Variants in CASD1 observed in about 807,000 individuals in gnomAD.
CASD1 encodes CAS1 domain sialic acid O acetyltransferase 1, also known as N-acetylneuraminate (7)9-O-acetyltransferase.
A neutral mutation model predicts 100.0 loss-of-function variants in CASD1; 41 were observed. The observed-to-expected ratio is 0.41, with a 90% CI of 0.32 to 0.53. The LOEUF is 0.53. Among genes scored for constraint, CASD1 ranks in the 20% least tolerant of loss-of-function variants. CASD1 has a pLI of 0.25. For synonymous variants in CASD1, 321 were observed against 315.6 expected, an observed-to-expected ratio of 1.02 and a Z score of -0.18; for missense variants, 774 against 948.7, an observed-to-expected ratio of 0.82 and a Z score of 2.42.
chr7:94,628,362 A>T, the CASD1 span: 1 of 1,604,938 alleles, frequency 6.2e-7, no homozygotes, highest in Non-Finnish European at 8.5e-7. Flanking sequence ...AATCTCGCCT[A>T]GATAAGAAAC....
At chr7:94,587,639 A>G in the CASD1 span, 1 of 1,454,296 alleles carries the variant, frequency 6.9e-7, no homozygotes, top group Non-Finnish European at 9.0e-7. Context: ...CTTACAAAGT[A>G]GCACCAACAC....
Position 94,554,524 on chromosome 7 carries a change from C to G in CASD1, c.2076C>G (p.Ala692=). ...TAATAAGAAACATCCCTGGATATGC[C>G]CGTTCAGTTTACAGTTCATTTTTTG... ...FILIRNIPGY[A]RSVYSSFFAW... is the part of the protein sequence containing the mutation. Residue 692 remains alanine (A), a synonymous_variant, in exon 17 of 18, where the codon GCC becomes GCG. Coordinates refer to ENST00000297273, the MANE Select transcript of CASD1 (RefSeq NM_022900.5). 6.2e-7 allele frequency: 1 copy of G among 1,611,944 alleles called. No homozygotes were observed. The highest frequency in any genetic ancestry group is 8.5e-7 in the Non-Finnish European group (1 of 1,178,728).
In CASD1 at chr7:94,555,872, A is replaced by T; in HGVS notation, c.*114A>T. 1 of 1,078,928 alleles carries T rather than the reference A, an allele frequency of 9.3e-7. No homozygotes were observed. The highest frequency in any genetic ancestry group is 1.3e-6 in the Non-Finnish European group (1 of 756,040). The allele number at this position is 1,078,928 out of a possible 1,614,324, so 66.8% of individuals were successfully genotyped here. ...GTATGTAAATATAAACGTTTGTGGC[A>T]AGAGGACAGTTCTGTGACATCTGTT... is the stretch of plus-strand genomic sequence containing the variant. On this transcript the variant is annotated 3_prime_UTR_variant, in exon 18 of 18. Transcript: ENST00000297273.
intron 14 of CASD1, among the ~76,000 whole-genome samples, chr7:94,550,925 A>C (rs774135210): frequency 2.0e-5 from 3 of 152,126 alleles, no homozygotes; most frequent in Non-Finnish European, 4.4e-5. Context: ...ACTTCTTTTC[A>C]GAATTATGAC....
At chr7:94,616,071 G>C in the CASD1 span, among the ~76,000 whole-genome samples, 1 of 152,134 alleles carries the variant, frequency 6.6e-6, no homozygotes, top group Non-Finnish European at 1.5e-5. Context: ...TGATTTAGGA[G>C]AAGTTTGAAA....
intron 3 of CASD1, chr7:94,524,325 T>A (rs908656340): frequency 6.6e-6 from 1 of 152,020 alleles, no homozygotes; most frequent in African/African-American, 2.4e-5. Context: ...TTACAACATA[T>A]ATTCAAGAAA....
intron 16 of CASD1, chr7:94,554,066 G>A (rs1645922336): frequency 6.5e-6 from 1 of 153,984 alleles, no homozygotes; most frequent in South Asian, 2.0e-4. Flanking sequence ...TCAGCGGAAG[G>A]AGGATTTTGA....
At position 94,527,162 on chromosome 7, in the gene CASD1, C is replaced by T. The variant is rs773673799; in HGVS notation, c.352C>T (p.His118Tyr). The change falls in exon 4 of 18, where the codon CAT becomes TAT. Residue 118 changes from histidine to tyrosine, a missense_variant and splice_region_variant. Coordinates refer to ENST00000297273, the MANE Select transcript of CASD1 (RefSeq NM_022900.5). ...ATTTCTCTGTCTCCTTTTATGGCAG[C>T]ATGAAAACATTCCTTTTGAAGACAA... ...NPQFKEEGNK[H>Y]ENIPFEDKTA... 1 of 1,607,000 alleles carries T rather than the reference C, an allele frequency of 6.2e-7. No homozygotes were observed. Among genetic ancestry groups the T allele is most frequent in the South Asian group, 1.1e-5 (1 of 90,650 alleles).
At chr7:94,510,931 G>T (rs1326788395) in intron 1 of CASD1, among the ~76,000 whole-genome samples, 1 of 152,252 alleles carries the variant, frequency 6.6e-6, no homozygotes, top group South Asian at 2.1e-4. Flanking sequence ...GTTGACAGGC[G>T]TAAAGGTGGG....
chr7:94,627,923 CT>C, the CASD1 span: 1 of 364,098 alleles, frequency 2.7e-6, no homozygotes, highest in East Asian at 5.2e-5. Context: ...CAATTATTTT[CT>C]CAAATAGAAT....
the CASD1 span, chr7:94,628,309 G>A: frequency 6.2e-7 from 1 of 1,611,338 alleles, no homozygotes; most frequent in African/African-American, 1.3e-5. Context: ...GGTCGGTCTG[G>A]GTAACCCATT....
the CASD1 span, among the ~76,000 whole-genome samples, chr7:94,606,008 C>T: frequency 1.3e-5 from 2 of 151,662 alleles, no homozygotes; most frequent in African/African-American, 4.8e-5. Flanking sequence ...TTTGTATTTT[C>T]GGTAGAGATG....
intron 8 of CASD1, among the ~76,000 whole-genome samples, chr7:94,536,492 G>A (rs1417132339): frequency 1.3e-5 from 2 of 152,022 alleles, no homozygotes; most frequent in African/African-American, 4.8e-5. Flanking sequence ...ACAAGACAAT[G>A]GTTTTGTTCT....
chr7:94,562,058 A>G, the CASD1 span, among the ~76,000 whole-genome samples: 4 of 152,266 alleles, frequency 2.6e-5, no homozygotes, highest in East Asian at 1.9e-4. Context: ...ACATCACACA[A>G]TGGGCTCTTT....
the CASD1 span, among the ~76,000 whole-genome samples, chr7:94,616,332 A>T: frequency 2.0e-5 from 3 of 152,214 alleles, no homozygotes; most frequent in Admixed American, 6.5e-5. Flanking sequence ...TAAATAGGAA[A>T]TAATTTCATG....
chr7:94,577,888 C>A, the CASD1 span, among the ~76,000 whole-genome samples: 7 of 152,174 alleles, frequency 4.6e-5, no homozygotes, highest in African/African-American at 1.2e-4. Context: ...AATGACAATT[C>A]TCTTCATTAG....
chr7:94,513,410 C>T (rs1433442925), intron 1 of CASD1, among the ~76,000 whole-genome samples: 2 of 151,824 alleles, frequency 1.3e-5, no homozygotes, highest in East Asian at 3.9e-4. Flanking sequence ...TGACCTGAGC[C>T]TACTTTTTGT....
chr7:94,515,767 AAAAG>A (rs1562931255), intron 1 of CASD1, among the ~76,000 whole-genome samples: 1 of 152,248 alleles, frequency 6.6e-6, no homozygotes, highest in East Asian at 1.9e-4. Flanking sequence ...ACAGAAAAGA[AAAAG>A]AAGAAAACCT....
intron 3 of CASD1, among the ~76,000 whole-genome samples, chr7:94,519,875 A>T (rs1794175270): frequency 6.6e-6 from 1 of 152,192 alleles, no homozygotes; most frequent in South Asian, 2.1e-4. Flanking sequence ...CTTGGCTTAA[A>T]GTTGCATGAC....
Sources: gnomAD v4.1 joint callset for allele counts (sites outside exome capture counted in the v4.1 genomes callset) on GRCh38, gnomAD v4.1.1 for gene constraint, MANE v1.5 for transcripts, NCBI Gene and HGNC (gene_info 2026-07-23, HGNC 2026-07-21) for gene names.